Variants in LAMA5 observed in about 807,000 individuals in gnomAD.
LAMA5 encodes laminin subunit alpha-5.
LAMA5 carries 260 observed loss-of-function variants against 433.4 expected under a neutral mutation model. The ratio of observed to expected loss-of-function variants is 0.60; its 90% confidence interval spans 0.54 to 0.66. The LOEUF (loss-of-function observed/expected upper bound fraction) is 0.66. Among genes scored for constraint, LAMA5 ranks in the 30% least tolerant of loss-of-function variants. The pLI, the probability that LAMA5 is intolerant of heterozygous loss-of-function variation, is 0.00. For synonymous variants in LAMA5, 2,620 were observed against 2,226.6 expected (o/e 1.18, Z -4.97); for missense variants, 5,378 against 5,258.5 (o/e 1.02, Z -0.70).
At position 62,318,607 on chromosome 20, in the gene LAMA5, C is replaced by A. The variant is rs753117079; in HGVS notation, c.7086G>T (p.Glu2362Asp). The stretch of plus-strand genomic sequence containing the variant: ...GGGTTTGTGTGGCCAGTGCCTGGTT[C>A]TCCTCCCAGAGGCTGCTCAGCTGCT... ...VQEQLSSLWE[E>D]NQALATQTRD... is the part of the protein sequence containing the mutation. Residue 2362 changes from glutamate to aspartate, a missense_variant, in exon 53 of 80, where the codon GAG becomes GAT. By Grantham distance (45) the Glu-to-Asp change is conservative. Coordinates refer to ENST00000252999, the MANE Select transcript of LAMA5 (RefSeq NM_005560.6). 7 of 1,610,862 alleles carry A rather than the reference C, an allele frequency of 4.3e-6. No individual in the cohort carries two copies. Among genetic ancestry groups the A allele is most frequent in the Non-Finnish European group, 5.9e-6 (7 of 1,179,046 alleles).
intron 4 of LAMA5, 80 bp downstream of exon 4, chr20:62,352,162 A>G: frequency 6.3e-7 from 1 of 1,577,708 alleles, no homozygotes. Context: ...TCCCTTCTCC[A>G]GCCCCGCTCG....
At chr20:62,331,379 G>A (rs1439399077) in intron 28 of LAMA5, among the ~76,000 whole-genome samples, 1 of 151,708 alleles carries the variant, frequency 6.6e-6, no homozygotes, top group Admixed American at 6.6e-5. Context: ...AAACCCAGGC[G>A]TCCGACCGAG....
Position 62,367,073 on chromosome 20 carries a change from A to T in LAMA5, c.173T>A (p.Ile58Asn). 2 of 1,262,004 alleles carry T rather than the reference A, an allele frequency of 1.6e-6. No homozygotes were observed. Among genetic ancestry groups the T allele is most frequent in the Non-Finnish European group, 2.0e-6 (2 of 1,006,464 alleles). 78.2% of individuals were successfully genotyped at this position (1,262,004 alleles called of 1,614,324 possible). Residue 58 changes from isoleucine (I) to asparagine (N), a missense_variant, in exon 1 of 80, where the codon ATC becomes AAC. Transcript: ENST00000252999. Reference sequence around the variant, plus strand: ...CTCTCCGCAGGTCGCGGAGGCGGCGATGCGGGCGCCCTCGGCCAGGTTGAA... The same window carrying T: ...CTCTCCGCAGGTCGCGGAGGCGGCGTTGCGGGCGCCCTCGGCCAGGTTGAA... ...PYFNLAEGAR[I>N]AASATCGEEA...
At position 62,337,675 on chromosome 20, in the gene LAMA5, A is replaced by C. The variant is rs200746010; in HGVS notation, c.2079T>G (p.Ser693Arg). The change falls in exon 16 of 80, where the codon AGT becomes AGG. Residue 693 changes from serine (S) to arginine (R), a missense_variant. Transcript: ENST00000252999. Reference sequence around the variant, plus strand: ...CACGGGGCCGGCAGCTGCACTGCCCACTCCGGGGGTCACAGGCTGCGTGCA... The same window carrying C: ...CACGGGGCCGGCAGCTGCACTGCCCCCTCCGGGGGTCACAGGCTGCGTGCA... ...GSLHAACDPRSGQCSCRPRVT... is the reference protein window; with the variant it reads ...GSLHAACDPRRGQCSCRPRVT... 102 of 1,612,064 alleles carry C rather than the reference A, an allele frequency of 6.3e-5. No homozygotes were observed. In the African/African-American group the frequency reaches 1.3e-3, roughly 20 times the overall value.
chr20:62,340,453 A>G (rs1402481181), intron 11 of LAMA5, among the ~76,000 whole-genome samples: 1 of 151,620 alleles, frequency 6.6e-6, no homozygotes, highest in East Asian at 2.0e-4. Context: ...CTGGGATTAC[A>G]GGCATGCGCC....
In LAMA5 at chr20:62,310,830, C is replaced by G; in HGVS notation, c.10282-1G>C. 1.3e-6 allele frequency: 2 copies of G among 1,569,854 alleles called. No homozygotes were observed. Among genetic ancestry groups the G allele is most frequent in the Non-Finnish European group, 1.7e-6 (2 of 1,157,438 alleles). On this transcript the variant is annotated splice_acceptor_variant, in intron 74 of 79. Coordinates refer to ENST00000252999, the MANE Select transcript of LAMA5 (RefSeq NM_005560.6). LOFTEE classifies it high-confidence loss of function. ...GGTTCTTCTCCCAGCGCACGGAGACCTGGGGGCAGGAGATGGGTCAGGGTA... is the reference window on the plus strand; with the variant it reads ...GGTTCTTCTCCCAGCGCACGGAGACGTGGGGGCAGGAGATGGGTCAGGGTA...
At position 62,333,791 on chromosome 20, in the gene LAMA5, G is replaced by A. The variant is rs574609427; in HGVS notation, c.2879-85C>T. ...CCCCCTACAGGGTTGGGGATAGGCT[G>A]GTCCTACCACCCACATGAGCCAGAG... is the stretch of plus-strand genomic sequence containing the variant. On this transcript the variant is annotated intron_variant, in intron 23 of 79. Coordinates refer to ENST00000252999, the MANE Select transcript of LAMA5 (RefSeq NM_005560.6). 7.3e-4 allele frequency: 920 copies of A among 1,262,776 alleles called. 3 individuals carry two copies. The African/African-American group carries it at 0.01, about 14-fold the overall frequency. The allele number at this position is 1,262,776 out of a possible 1,614,324, so 78.2% of individuals were successfully genotyped here.
intron 11 of LAMA5, among the ~76,000 whole-genome samples, chr20:62,339,276 C>A (rs529296700): frequency 1.6e-5 from 2 of 128,292 alleles, no homozygotes; most frequent in Non-Finnish European, 3.1e-5. Flanking sequence ...CTTGATCTGT[C>A]GCCCAGGCTA....
chr20:62,362,703 C>T (rs773849760), intron 1 of LAMA5, 151 bp from the exon 2 acceptor site: 16 of 619,252 alleles, frequency 2.6e-5, no homozygotes, highest in African/African-American at 5.7e-5. Context: ...GCTCAGCAAA[C>T]ATGCGCCAAG....
intron 48 of LAMA5, among the ~76,000 whole-genome samples, chr20:62,321,760 T>TGGAGGGGGGGGGG (rs1987836707): frequency 7.2e-5 from 2 of 27,806 alleles, no homozygotes; most frequent in Non-Finnish European, 1.1e-4. Context: ...AGGGGTGGGG[T>TGGAGGGGGGGGGG]CAGTGGGGGA....
rs1248019011 is a variant in LAMA5, at chr20:62,367,197, G to A, written c.49C>T (p.Arg17Trp). Residue 17 changes from arginine (R) to tryptophan (W), a missense_variant, in exon 1 of 80, where the codon CGG (arginine) becomes TGG (tryptophan). Physicochemically the swap from Arg to Trp is moderately radical, Grantham distance 101. Coordinates refer to ENST00000252999, the MANE Select transcript of LAMA5 (RefSeq NM_005560.6). ...ACCAGCAGCAGCGGCGCGGGGCCCC[G>A]GGGGCCGCGAACACACAGTGCGCTC... ...AGSALCVRGPRGPAPLLLVGL... is the reference protein window; with the variant it reads ...AGSALCVRGPWGPAPLLLVGL... 8.2e-7 allele frequency: 1 copy of A among 1,219,946 alleles called. No individual in the cohort carries two copies. The allele number at this position is 1,219,946 out of a possible 1,614,324, so 75.6% of individuals were successfully genotyped here.
At position 62,314,426 on chromosome 20, in the gene LAMA5, G is replaced by A; in HGVS notation, c.8382C>T (p.Tyr2794=). Residue 2794 remains tyrosine, a synonymous_variant, in exon 62 of 80, where the codon TAC becomes TAT. Transcript: ENST00000252999. ...YMGSRQATGD[Y]MGVSLRDKKV... is the part of the protein sequence containing the mutation. ...TCTTGTCACGCAGAGACACACCCAT[G>A]TAGTCCCCAGTGGCCTGCGGCAGTG... 3 of 1,613,454 alleles carry A rather than the reference G, an allele frequency of 1.9e-6. No individual in the cohort carries two copies. Among genetic ancestry groups the A allele is most frequent in the Non-Finnish European group, 2.5e-6 (3 of 1,179,950 alleles).
At chr20:62,349,562 G>A (rs77960475) in intron 6 of LAMA5, among the ~76,000 whole-genome samples, 1,818 of 133,750 alleles carry the variant, frequency 0.014, 46 homozygotes, top group African/African-American at 0.046. Context: ...CAAAACAGCC[G>A]TTTTCAGACA....
chr20:62,310,038 G>A lies in LAMA5; in HGVS notation c.10778C>T (p.Ser3593Leu). 1 of 1,611,348 alleles carries A rather than the reference G, an allele frequency of 6.2e-7. No homozygotes were observed. Among genetic ancestry groups the A allele is most frequent in the Non-Finnish European group, 8.5e-7 (1 of 1,179,760 alleles). ...ACACAGCACTGAGGGGCGGGTCACT[G>A]ACGTGGAGAACTCCCCTGCTCCGTC... is the stretch of plus-strand genomic sequence containing the variant. ...ADDGAGEFST[S>L]VTRPSVLCDG... The change falls in exon 78 of 80, where the codon TCA becomes TTA. Residue 3593 changes from serine (S) to leucine (L), a missense_variant. By Grantham distance (145) the Ser-to-Leu change is moderately radical (BLOSUM62 -2). Coordinates refer to ENST00000252999, the MANE Select transcript of LAMA5 (RefSeq NM_005560.6).
At chr20:62,317,292 C>T in intron 55 of LAMA5, 53 bp downstream of exon 55, 1 of 1,513,618 alleles carries the variant, frequency 6.6e-7, no homozygotes, top group Non-Finnish European at 8.8e-7. Context: ...CTCCCAAGGC[C>T]CTGTCTGCAT....
chr20:62,315,819 C>T, intron 58 of LAMA5, 129 bp downstream of exon 58: 2 of 701,258 alleles, frequency 2.9e-6, no homozygotes, highest in Non-Finnish European at 4.8e-6. Flanking sequence ...CTGTGTCTGG[C>T]CCCAGCTGCC....
chr20:62,309,715 C>G lies in LAMA5; in HGVS notation c.10948+1G>C, dbSNP rs755675656. 2 of 1,592,660 alleles carry G rather than the reference C, an allele frequency of 1.3e-6. No homozygotes were observed. Among genetic ancestry groups the G allele is most frequent in the South Asian group, 1.1e-5 (1 of 89,556 alleles). ...CCACCCTTGATCAAGGCCGCACTCA[C>G]CAGGCAGGCCCCCGAGGTACAGAGG... On this transcript the variant is annotated splice_donor_variant, in intron 79 of 79. Transcript: ENST00000252999. LOFTEE classifies it high-confidence loss of function.
chr20:62,311,907 C>A lies in LAMA5; in HGVS notation c.9635+13G>T, dbSNP rs771624304. ...CCAGACCTTCACGATGAGGGCCCAG[C>A]GGCCAGGCTCACCCCGTGGCATTGC... On this transcript the variant is annotated intron_variant, in intron 70 of 79. Transcript: ENST00000252999. 5.0e-6 allele frequency: 8 copies of A among 1,603,644 alleles called. No homozygotes were observed. The South Asian group carries it at 5.6e-5, about 11-fold the overall frequency.
Position 62,318,973 on chromosome 20 carries a change from G to A in LAMA5, c.6912C>T (p.Ala2304=), listed in dbSNP as rs1987357759. 1 of 1,594,364 alleles carries A rather than the reference G, an allele frequency of 6.3e-7. No individual in the cohort carries two copies. The highest frequency in any genetic ancestry group is 2.3e-5 in the East Asian group (1 of 44,224). ...GCAGCTGCTCACCTGATGGAGCCGA[G>A]GCATTGGCCAGCCCCAGGTGGCCCG... ...SQTGHLGLAN[A]SAPSGEQLLR... is the part of the protein sequence containing the mutation. The change falls in exon 52 of 80, where the codon GCC becomes GCT. Residue 2304 remains alanine (A), a synonymous_variant. Transcript: ENST00000252999.
Sources: gnomAD v4.1 joint callset for allele counts (sites outside exome capture counted in the v4.1 genomes callset) on GRCh38, gnomAD v4.1.1 for gene constraint, MANE v1.5 for transcripts, NCBI Gene and HGNC (gene_info 2026-07-23, HGNC 2026-07-21) for gene names.